HAT1: variants seen among roughly 807,000 people sequenced by gnomAD.
HAT1 encodes the protein histone acetyltransferase type B catalytic subunit.
A neutral mutation model predicts 56.6 loss-of-function variants in HAT1; 20 were observed. The ratio of observed to expected loss-of-function variants is 0.35; its 90% CI spans 0.25 to 0.51. HAT1 has a LOEUF of 0.51. HAT1 is among the 20% of genes least tolerant of loss of function. HAT1 has a pLI of 0.95. For synonymous variants in HAT1, 146 were observed against 165.5 expected (o/e 0.88, Z 0.91); for missense variants, 408 against 504.3 (o/e 0.81, Z 1.83).
intron 8 of HAT1, among the ~76,000 whole-genome samples, chr2:171,972,925 G>T (rs1174720579): frequency 6.6e-6 from 1 of 151,966 alleles, no homozygotes; most frequent in Non-Finnish European, 1.5e-5. Flanking sequence ...TTCTTTTCTT[G>T]AAATCTCCTT....
chr2:171,961,174 A>G (rs1350203060), intron 4 of HAT1, among the ~76,000 whole-genome samples: 1 of 151,990 alleles, frequency 6.6e-6, no homozygotes, highest in Non-Finnish European at 1.5e-5. Flanking sequence ...GCATGATGGC[A>G]TGCTCCTGTA....
intron 1 of HAT1, chr2:171,924,850 A>G (rs1261432705): frequency 6.6e-6 from 1 of 152,200 alleles, no homozygotes; most frequent in Admixed American, 6.5e-5. Context: ...AAATTCTGTC[A>G]TAATTATCAG....
intron 7 of HAT1, 78 bp from the exon 8 acceptor site, chr2:171,966,765 G>T: frequency 1.4e-6 from 1 of 708,568 alleles, no homozygotes. Context: ...TAAAGTGTTT[G>T]TAATACTATA....
chr2:171,932,596 A>T (rs371804339), intron 2 of HAT1, among the ~76,000 whole-genome samples: 2 of 152,204 alleles, frequency 1.3e-5, no homozygotes, highest in East Asian at 3.9e-4. Context: ...AGCGAGGTGC[A>T]GTGGCTCAGA....
At chr2:171,927,202 C>T (rs1029133596) in intron 2 of HAT1, among the ~76,000 whole-genome samples, 3 of 152,192 alleles carry the variant, frequency 2.0e-5, no homozygotes, top group Non-Finnish European at 2.9e-5. Context: ...TAGATTGTGG[C>T]ACAGCTCTGA....
chr2:171,946,446 C>T (rs1190853872), intron 2 of HAT1, among the ~76,000 whole-genome samples: 2 of 152,292 alleles, frequency 1.3e-5, no homozygotes, highest in East Asian at 3.9e-4. Flanking sequence ...AATGAGGTGC[C>T]TCTGTCATAC....
intron 10 of HAT1, among the ~76,000 whole-genome samples, chr2:171,981,932 T>C (rs1688142307): frequency 6.6e-6 from 1 of 152,174 alleles, no homozygotes; most frequent in South Asian, 2.1e-4. Context: ...CAGAGAGCAG[T>C]ATAGATGGCA....
intron 4 of HAT1, among the ~76,000 whole-genome samples, chr2:171,962,905 C>G (rs1459690248): frequency 1.3e-5 from 2 of 152,136 alleles, no homozygotes; most frequent in African/African-American, 4.8e-5. Context: ...ATTTTTAACT[C>G]TATTCAATTA....
chr2:171,943,217 C>T (rs1231862260), intron 2 of HAT1, among the ~76,000 whole-genome samples: 1 of 151,166 alleles, frequency 6.6e-6, no homozygotes, highest in Non-Finnish European at 1.5e-5. Flanking sequence ...GCCTGGCCAA[C>T]ATGGTGAAAC....
chr2:171,938,983 C>T (rs1019838139), intron 2 of HAT1, among the ~76,000 whole-genome samples: 4 of 152,102 alleles, frequency 2.6e-5, no homozygotes, highest in Non-Finnish European at 5.9e-5. Context: ...TCAAGCAATT[C>T]GCCTGCCTTG....
chr2:171,923,201 A>G (rs1426985570), intron 1 of HAT1: 1 of 152,196 alleles, frequency 6.6e-6, no homozygotes, highest in African/African-American at 2.4e-5. Context: ...AATTGCTATT[A>G]CTTTGTACGT....
At chr2:171,926,110 TTTTC>T (rs1457708319) in intron 2 of HAT1, among the ~76,000 whole-genome samples, 1 of 152,070 alleles carries the variant, frequency 6.6e-6, no homozygotes, top group East Asian at 1.9e-4. Context: ...CACCCCTTTT[TTTTC>T]TTTCTTTCTT....
chr2:171,978,922 C>CAAAA (rs3838506), intron 9 of HAT1, among the ~76,000 whole-genome samples: 9 of 69,112 alleles, frequency 1.3e-4, no homozygotes, highest in African/African-American at 1.8e-4. Flanking sequence ...CCCATTTCTA[C>CAAAA]AAAAAAAAAA....
chr2:171,938,492 AC>A (rs1686934146), intron 2 of HAT1, among the ~76,000 whole-genome samples: 1 of 152,074 alleles, frequency 6.6e-6, no homozygotes, highest in African/African-American at 2.4e-5. Flanking sequence ...ATCAGTGGAA[AC>A]CCTGAGCTTG....
At chr2:171,943,275 G>A (rs62182439) in intron 2 of HAT1, among the ~76,000 whole-genome samples, 27,364 of 150,670 alleles carry the variant, frequency 0.18, 2,851 homozygotes, top group Non-Finnish European at 0.24. Context: ...TAATTTTTGG[G>A]TGGCGGGTGC....
In HAT1 at chr2:171,930,067, T is replaced by C. The variant is rs539286777; in HGVS notation, c.112+4426T>C. On this transcript the variant is annotated intron_variant, in intron 2 of 10. Transcript: ENST00000264108. Reference sequence around the variant, plus strand: ...ATGAACATGATGTATTTCTGTATTCTAGAAATGTTTCAGGTTTTCAGTCTT... The same window carrying C: ...ATGAACATGATGTATTTCTGTATTCCAGAAATGTTTCAGGTTTTCAGTCTT... Among the ~76,000 whole-genome samples, 9 of 152,362 alleles carry C rather than the reference T, an allele frequency of 5.9e-5. No homozygotes were observed. In the South Asian group the frequency reaches 1.9e-3, roughly 32 times the overall value.
chr2:171,947,498 C>A (rs961127520), intron 3 of HAT1, among the ~76,000 whole-genome samples: 1 of 152,124 alleles, frequency 6.6e-6, no homozygotes, highest in Admixed American at 6.6e-5. Flanking sequence ...TCAAGTGATC[C>A]TCCCACCTGC....
At chr2:171,969,024 A>AT (rs1200967577) in intron 8 of HAT1, among the ~76,000 whole-genome samples, 1 of 152,042 alleles carries the variant, frequency 6.6e-6, no homozygotes, top group Non-Finnish European at 1.5e-5. Flanking sequence ...ACCCATTTTC[A>AT]TTTTTTTGCA....
chr2:171,966,328 G>A, intron 6 of HAT1, 81 bp from the exon 7 acceptor site: 1 of 794,234 alleles, frequency 1.3e-6, no homozygotes, highest in Non-Finnish European at 2.3e-6. Context: ...TGAAAATTCA[G>A]TCAGAGAATG....
Sources: allele counts gnomAD v4.1 joint callset (sites outside exome capture counted in the v4.1 genomes callset), GRCh38; gene constraint gnomAD v4.1.1; transcripts MANE v1.5; gene names NCBI Gene and HGNC (gene_info 2026-07-23, HGNC 2026-07-21).